Variants in RNF6 observed in about 807,000 individuals in gnomAD.
RNF6 encodes ring finger protein 6.
In RNF6, 21 loss-of-function variants were observed where a neutral mutation model predicts 50.1. The ratio of observed to expected loss-of-function variants is 0.42; its 90% CI spans 0.30 to 0.60. The LOEUF is 0.60. Among genes scored for constraint, RNF6 ranks in the 20% least tolerant of loss-of-function variants. The probability of loss-of-function intolerance (pLI) is 0.20; values close to 1 mark genes in which losing one functional copy is unlikely to be tolerated. For synonymous variants in RNF6, 255 were observed against 291.8 expected (o/e 0.87, Z 1.29); for missense variants, 698 against 838.2 (o/e 0.83, Z 2.07).
At chr13:26,141,826 G>C (rs1870969890) in intron 5 of RNF6, among the ~76,000 whole-genome samples, 1 of 151,988 alleles carries the variant, frequency 6.6e-6, no homozygotes, top group African/African-American at 2.4e-5. Flanking sequence ...CCTTGGAAAA[G>C]AATTTATGAC....
intron 5 of RNF6, among the ~76,000 whole-genome samples, chr13:26,141,425 C>CAAA (rs34336773): frequency 1.5e-5 from 2 of 130,004 alleles, no homozygotes. Context: ...AAGACTCTGT[C>CAAA]AAAAAAAAAA....
intron 2 of RNF6, among the ~76,000 whole-genome samples, chr13:26,219,965 G>A (rs190588145): frequency 6.2e-4 from 94 of 152,270 alleles, no homozygotes; most frequent in African/African-American, 2.1e-3. Flanking sequence ...CCATGTTGAC[G>A]ATCTGGAAAA....
At position 26,213,719 on chromosome 13, in the gene RNF6, ATC is replaced by A. The variant is rs1172301245; in HGVS notation, c.*103_*104del. 3.4e-6 allele frequency: 3 copies of A among 874,562 alleles called. No individual in the cohort carries two copies. The highest frequency in any genetic ancestry group is 5.9e-5 in the Admixed American group (2 of 34,014). The allele number at this position is 874,562 out of a possible 1,614,324, so 54.2% of individuals were successfully genotyped here. A position where few individuals can be genotyped will look rare whatever the true frequency, so the allele number is the denominator to read the frequency against. On this transcript the variant is annotated 3_prime_UTR_variant, in exon 5 of 5. Coordinates refer to ENST00000381588, the MANE Select transcript of RNF6 (RefSeq NM_005977.4). ...CGAAAAATAGTTCAAACTATATATA[ATC>A]TGTTATTTTTCATCCTGGTTAGCTA... is the stretch of plus-strand genomic sequence containing the variant.
At chr13:26,178,161 C>T (rs1873054576) in intron 5 of RNF6, among the ~76,000 whole-genome samples, 1 of 152,162 alleles carries the variant, frequency 6.6e-6, no homozygotes, top group Non-Finnish European at 1.5e-5. Context: ...TGCACTCCAG[C>T]CTGGGCAACA....
At position 26,213,989 on chromosome 13, in the gene RNF6, G is replaced by T; in HGVS notation, c.1893C>A (p.Ile631=). 1 of 1,614,150 alleles carries T rather than the reference G, an allele frequency of 6.2e-7. No homozygotes were observed. The change falls in exon 5 of 5, where the codon ATC becomes ATA. Residue 631 remains isoleucine, a synonymous_variant. Transcript: ENST00000381588. Reference sequence around the variant, plus strand: ...CATAGTCACTAATACAAACACTACAGATTTTACCTAGTTCACTATCAATAC... The same window carrying T: ...CATAGTCACTAATACAAACACTACATATTTTACCTAGTTCACTATCAATAC... ...HNSIDSELGK[I]CSVCISDYVT...
chr13:26,147,567 C>T (rs1443424779), intron 5 of RNF6, among the ~76,000 whole-genome samples: 1 of 152,130 alleles, frequency 6.6e-6, no homozygotes, highest in African/African-American at 2.4e-5. Context: ...AAAGAAGACC[C>T]ATCAAAATTT....
chr13:26,140,851 A>G (rs906673264), intron 5 of RNF6, among the ~76,000 whole-genome samples: 4 of 152,246 alleles, frequency 2.6e-5, no homozygotes, highest in African/African-American at 7.2e-5. Context: ...TCAAACTGAG[A>G]GCTAAATCAA....
chr13:26,175,723 T>C (rs1368823175), intron 5 of RNF6, among the ~76,000 whole-genome samples: 2 of 152,046 alleles, frequency 1.3e-5, no homozygotes, highest in African/African-American at 4.8e-5. Flanking sequence ...CAGGAAATAA[T>C]CTACCTTCCC....
intron 5 of RNF6, among the ~76,000 whole-genome samples, chr13:26,178,058 A>G (rs1163675411): frequency 1.3e-5 from 2 of 152,110 alleles, no homozygotes; most frequent in African/African-American, 2.4e-5. Flanking sequence ...GCATGGTGGC[A>G]GGCACCTGTA....
chr13:26,220,376 AGTTTC>A (rs1368133578), intron 2 of RNF6, among the ~76,000 whole-genome samples: 2 of 152,196 alleles, frequency 1.3e-5, no homozygotes, highest in Non-Finnish European at 2.9e-5. Flanking sequence ...TAGTCCCAGG[AGTTTC>A]AGAATGCCAG....
In RNF6 at chr13:26,214,430, T is replaced by A; in HGVS notation, c.1452A>T (p.Leu484Phe). 6.2e-7 allele frequency: 1 copy of A among 1,614,166 alleles called. No homozygotes were observed. Among genetic ancestry groups the A allele is most frequent in the Non-Finnish European group, 8.5e-7 (1 of 1,180,032 alleles). The stretch of plus-strand genomic sequence containing the variant: ...CTCCAAACCCAGTCATGATCTGCCT[T>A]AAAATTGACCGAAGAGCCACTGATG... ...EPSSVALRSI[L>F]RQIMTGFGEL... Residue 484 changes from leucine (L) to phenylalanine (F), a missense_variant, in exon 5 of 5, where the codon TTA becomes TTT. Coordinates refer to ENST00000381588, the MANE Select transcript of RNF6 (RefSeq NM_005977.4).
intron 5 of RNF6, among the ~76,000 whole-genome samples, chr13:26,159,486 A>G (rs1399613545): frequency 6.6e-6 from 1 of 151,942 alleles, no homozygotes; most frequent in Non-Finnish European, 1.5e-5. Flanking sequence ...TTAACCGGGC[A>G]TGGTGGTGGG....
Position 26,215,441 on chromosome 13 carries a change from A to C in RNF6, c.441T>G (p.Phe147Leu). 2 of 1,614,194 alleles carry C rather than the reference A, an allele frequency of 1.2e-6. No homozygotes were observed. Among genetic ancestry groups the C allele is most frequent in the East Asian group, 2.2e-5 (1 of 44,884 alleles). The part of the protein sequence containing the change: ...VSRTNPNNGE[F>L]RFSLEIHVNH... Reference sequence around the variant, plus strand: ...TTACGTGGATTTCCAAACTAAACCGAAACTCTCCATTGTTCGGGTTTGTTC... The same window carrying C: ...TTACGTGGATTTCCAAACTAAACCGCAACTCTCCATTGTTCGGGTTTGTTC... Residue 147 changes from phenylalanine to leucine, a missense_variant, in exon 5 of 5, where the codon TTT (phenylalanine) becomes TTG (leucine). Coordinates refer to ENST00000381588, the MANE Select transcript of RNF6 (RefSeq NM_005977.4).
intron 5 of RNF6, among the ~76,000 whole-genome samples, chr13:26,147,026 C>A (rs1871285843): frequency 6.6e-6 from 1 of 152,138 alleles, no homozygotes; most frequent in Admixed American, 6.5e-5. Context: ...AACCTCTTTT[C>A]TTCATAAATA....
At chr13:26,195,474 T>A (rs1467456708) in intron 5 of RNF6, among the ~76,000 whole-genome samples, 1 of 151,996 alleles carries the variant, frequency 6.6e-6, no homozygotes, top group Non-Finnish European at 1.5e-5. Flanking sequence ...AAAAGAAATA[T>A]TTGAAACAAT....
chr13:26,209,696 A>G (rs975185830), downstream of RNF6, among the ~76,000 whole-genome samples: 2 of 152,218 alleles, frequency 1.3e-5, no homozygotes, highest in African/African-American at 4.8e-5. Context: ...CACATTTGGA[A>G]TTGCACAGCA....
intron 5 of RNF6, among the ~76,000 whole-genome samples, chr13:26,193,160 G>A (rs1868526495): frequency 6.6e-6 from 1 of 152,146 alleles, no homozygotes; most frequent in Non-Finnish European, 1.5e-5. Context: ...GGATATACAA[G>A]TTTTACATTT....
rs768796968 is a variant in RNF6 at position 26,214,126 on chromosome 13, G to C, written c.1756C>G (p.Leu586Val). 6 of 1,614,096 alleles carry C rather than the reference G, an allele frequency of 3.7e-6. No individual in the cohort carries two copies. The African/African-American group carries it at 6.7e-5, about 18-fold the overall frequency. Residue 586 changes from leucine to valine, a missense_variant, in exon 5 of 5, where the codon CTT becomes GTT. Physicochemically the swap from Leu to Val is conservative, Grantham distance 32. Transcript: ENST00000381588. The stretch of plus-strand genomic sequence containing the variant: ...AGTAAAAAAAAGTGAGCAAGGCGAA[G>C]AATGGGTAGTGTTCCAGTTTCAACT... The part of the protein sequence containing the change: ...NLVETGTLPI[L>V]RLAHFFLLNE...
At chr13:26,216,026 A>G (rs1160358517) in intron 4 of RNF6, among the ~76,000 whole-genome samples, 1 of 152,242 alleles carries the variant, frequency 6.6e-6, no homozygotes, top group African/African-American at 2.4e-5. Flanking sequence ...AAGCCAACTC[A>G]GTCATTTTTG....
Sources: gnomAD v4.1 joint callset for allele counts (sites outside exome capture counted in the v4.1 genomes callset) on GRCh38, gnomAD v4.1.1 for gene constraint, MANE v1.5 for transcripts, NCBI Gene and HGNC (gene_info 2026-07-23, HGNC 2026-07-21) for gene names.